BACE2: variants seen among roughly 807,000 people sequenced by gnomAD.
BACE2 encodes beta-secretase 2, also known as 56 kDa aspartic-like protease.
In BACE2, 17 loss-of-function variants were observed where a neutral mutation model predicts 46.2. That is an observed-to-expected ratio of 0.37 (90% confidence interval 0.25 to 0.55). The LOEUF (loss-of-function observed/expected upper bound fraction) is 0.55, where lower values mean the gene tolerates loss of function less well. BACE2 is among the 20% of genes least tolerant of loss of function. The probability of loss-of-function intolerance (pLI) is 0.82; values close to 1 mark genes in which losing one functional copy is unlikely to be tolerated. For synonymous variants in BACE2, 277 were observed against 295.9 expected (o/e 0.94, Z 0.66); for missense variants, 595 against 698.1 (o/e 0.85, Z 1.66).
intron 7 of BACE2, among the ~76,000 whole-genome samples, chr21:41,256,124 G>T (rs1987781356): frequency 1.3e-5 from 2 of 151,742 alleles, no homozygotes; most frequent in Admixed American, 1.3e-4. Flanking sequence ...AAGTTCTGGG[G>T]TACATGTGCA....
chr21:41,281,735 C>T lies in BACE2; in HGVS notation c.*6111C>T, dbSNP rs2088551582. 2 of 152,168 alleles carry T rather than the reference C, an allele frequency of 1.3e-5. 1 individual carries two copies. The highest frequency in any genetic ancestry group is 4.1e-4 in the South Asian group (2 of 4,832). 9.4% of individuals were successfully genotyped at this position (152,168 alleles called of 1,614,324 possible). On this transcript the variant is annotated 3_prime_UTR_variant, in exon 9 of 9. Transcript: ENST00000330333. The stretch of plus-strand genomic sequence containing the variant: ...TAATTAATCTATCATGAAAATTGCA[C>T]AAAATAACATTTCTTAACAAATTTA...
Position 41,280,123 on chromosome 21 carries a change from A to T in BACE2, c.*4499A>T, listed in dbSNP as rs1375922051. 6.6e-6 allele frequency: 1 copy of T among 152,310 alleles called. No individual in the cohort carries two copies. The highest frequency in any genetic ancestry group is 1.5e-5 in the Non-Finnish European group (1 of 68,106). 9.4% of individuals were successfully genotyped at this position (152,310 alleles called of 1,614,324 possible). Reference sequence around the variant, plus strand: ...GTGTAAAACACGTCTGTCCTAATCAAACTAGAGATGCCTCAAGGCCCACGC... The same window carrying T: ...GTGTAAAACACGTCTGTCCTAATCATACTAGAGATGCCTCAAGGCCCACGC... On this transcript the variant is annotated 3_prime_UTR_variant, in exon 9 of 9. Coordinates refer to ENST00000330333, the MANE Select transcript of BACE2 (RefSeq NM_012105.5).
chr21:41,195,015 A>G (rs1985689893), intron 1 of BACE2, among the ~76,000 whole-genome samples: 2 of 152,254 alleles, frequency 1.3e-5, no homozygotes, highest in South Asian at 2.1e-4. Context: ...GGCCTTCACC[A>G]TGAGAAGAGC....
intron 6 of BACE2, among the ~76,000 whole-genome samples, chr21:41,247,557 A>G (rs1170064282): frequency 6.6e-6 from 1 of 152,228 alleles, no homozygotes; most frequent in East Asian, 1.9e-4. Context: ...CATATCCTGA[A>G]TGGAAAAGTC....
rs889737353 is a variant in BACE2 at position 41,251,234 on chromosome 21, A to T, written c.1134+333A>T. On this transcript the variant is annotated intron_variant, in intron 7 of 8. Transcript: ENST00000330333. ...TCTCTCCATTCAGTGTCTGAGTCAC[A>T]TGTGGTAACAGGGACCTGGGAGAGA... Among the ~76,000 whole-genome samples the T allele has an allele frequency of 5.9e-5, 9 of 152,204 alleles. No individual in the cohort carries two copies. The East Asian group carries it at 1.5e-3, about 26-fold the overall frequency.
intron 7 of BACE2, 108 bp downstream of exon 7, chr21:41,251,009 CA>C: frequency 8.8e-7 from 1 of 1,133,558 alleles, no homozygotes. Flanking sequence ...TCTATCACCA[CA>C]ATAATGCTGC....
intron 7 of BACE2, among the ~76,000 whole-genome samples, chr21:41,256,393 A>G (rs1375955949): frequency 6.6e-6 from 1 of 152,196 alleles, no homozygotes; most frequent in Non-Finnish European, 1.5e-5. Context: ...TTTCAGCTTT[A>G]TCCATGTCCC....
intron 1 of BACE2, among the ~76,000 whole-genome samples, chr21:41,221,383 G>A (rs1180928126): frequency 6.6e-6 from 1 of 152,186 alleles, no homozygotes; most frequent in East Asian, 1.9e-4. Flanking sequence ...CTCGAAAACT[G>A]TGTGTGCAGA....
At chr21:41,186,968 T>C (rs1985399917) in intron 1 of BACE2, among the ~76,000 whole-genome samples, 1 of 152,218 alleles carries the variant, frequency 6.6e-6, no homozygotes, top group Non-Finnish European at 1.5e-5. Context: ...CGACATGGCA[T>C]GCTGGTGGGT....
chr21:41,188,794 T>G (rs1319348954), intron 1 of BACE2, among the ~76,000 whole-genome samples: 1 of 152,216 alleles, frequency 6.6e-6, no homozygotes, highest in African/African-American at 2.4e-5. Context: ...AGGATGGAGT[T>G]GCTTTAGCCT....
chr21:41,237,807 A>G (rs1299757430), intron 3 of BACE2, 78 bp downstream of exon 3: 8 of 1,221,052 alleles, frequency 6.6e-6, no homozygotes, highest in Non-Finnish European at 9.6e-6. Context: ...GGGCTGACAC[A>G]TGAGTCTTGG....
chr21:41,200,962 T>A (rs944710710), intron 1 of BACE2, among the ~76,000 whole-genome samples: 1 of 152,204 alleles, frequency 6.6e-6, no homozygotes, highest in East Asian at 1.9e-4. Context: ...AGGCCCTGAC[T>A]GGGTTCAAGC....
chr21:41,201,874 G>A (rs931087866), intron 1 of BACE2, among the ~76,000 whole-genome samples: 2 of 152,196 alleles, frequency 1.3e-5, no homozygotes, highest in African/African-American at 2.4e-5. Flanking sequence ...TCCCAAACTA[G>A]CAAACCCAGC....
intron 1 of BACE2, among the ~76,000 whole-genome samples, chr21:41,200,847 C>G (rs183781867): frequency 7.9e-5 from 12 of 152,308 alleles, no homozygotes; most frequent in Middle Eastern, 3.4e-3. Context: ...CTGAGACTTC[C>G]GGCCTCCACA....
intron 1 of BACE2, among the ~76,000 whole-genome samples, chr21:41,196,155 A>G (rs1457911119): frequency 1.3e-5 from 2 of 151,988 alleles, no homozygotes; most frequent in African/African-American, 4.8e-5. Flanking sequence ...AAAATTAGCC[A>G]GGCATGGTGG....
chr21:41,255,407 A>G (rs1209648741), intron 7 of BACE2, among the ~76,000 whole-genome samples: 1 of 152,182 alleles, frequency 6.6e-6, no homozygotes, highest in African/African-American at 2.4e-5. Flanking sequence ...CAGGGGAGGA[A>G]GATGAAGGAA....
In BACE2 at chr21:41,279,888, A is replaced by C. The variant is rs1348813002; in HGVS notation, c.*4264A>C. ...AATCTGAAAAGAGGGCAGGGCAAGA[A>C]GGAGCCAGAAGAGAGGTCCCACCCC... On this transcript the variant is annotated 3_prime_UTR_variant, in exon 9 of 9. Transcript: ENST00000330333. 6.6e-6 allele frequency: 1 copy of C among 152,374 alleles called. No individual in the cohort carries two copies. Among genetic ancestry groups the C allele is most frequent in the African/African-American group, 2.4e-5 (1 of 41,434 alleles). The allele number at this position is 152,374 out of a possible 1,614,324, so 9.4% of individuals were successfully genotyped here. A position where few individuals can be genotyped will look rare whatever the true frequency, so the allele number is the denominator to read the frequency against.
rs1277077978 is a variant in BACE2, at chr21:41,276,274, AAGGCCTTTTGCCCGTTGAGGT to A, written c.*653_*673del. On this transcript the variant is annotated 3_prime_UTR_variant, in exon 9 of 9. Coordinates refer to ENST00000330333, the MANE Select transcript of BACE2 (RefSeq NM_012105.5). ...CCTCACAAGCCTCTTCTGAAGATGG[AAGGCCTTTTGCCCGTTGAGGT>A]AGAGGGGAAGGAAATCTCCTCTTTT... is the stretch of plus-strand genomic sequence containing the variant. 5 of 152,456 alleles carry A rather than the reference AAGGCCTTTTGCCCGTTGAGGT, an allele frequency of 3.3e-5. No individual in the cohort carries two copies. In the East Asian group the frequency reaches 9.7e-4, roughly 29 times the overall value. 9.4% of individuals were successfully genotyped at this position (152,456 alleles called of 1,614,324 possible). A position where few individuals can be genotyped will look rare whatever the true frequency, so the allele number is the denominator to read the frequency against.
At chr21:41,248,705 C>G (rs73902977) in intron 6 of BACE2, among the ~76,000 whole-genome samples, 2,637 of 152,338 alleles carry the variant, frequency 0.017, 66 homozygotes, top group African/African-American at 0.057. Context: ...GTGCTTTCTC[C>G]CCAGCTGCAC....
Sources: gnomAD v4.1 joint callset for allele counts (sites outside exome capture counted in the v4.1 genomes callset) on GRCh38, gnomAD v4.1.1 for gene constraint, MANE v1.5 for transcripts, NCBI Gene and HGNC (gene_info 2026-07-23, HGNC 2026-07-21) for gene names.